CDC42BPA: variants seen among roughly 807,000 people sequenced by gnomAD.
CDC42BPA encodes CDC42 binding protein kinase alpha.
CDC42BPA carries 80 observed loss-of-function variants against 223.5 expected under a neutral mutation model. That is an observed-to-expected ratio of 0.36 (90% CI 0.30 to 0.43). The LOEUF is 0.43. Among genes scored for constraint, CDC42BPA ranks in the 20% least tolerant of loss-of-function variants. CDC42BPA has a pLI of 1.00. For synonymous variants in CDC42BPA, 694 were observed against 718.6 expected (o/e 0.97, Z 0.55); for missense variants, 1,743 against 2,099.9 (o/e 0.83, Z 3.32).
At chr1:227,155,379 A>T (rs1662551929) in intron 6 of CDC42BPA, among the ~76,000 whole-genome samples, 1 of 152,222 alleles carries the variant, frequency 6.6e-6, no homozygotes, top group Non-Finnish European at 1.5e-5. Flanking sequence ...GGCATTTTTC[A>T]GACATGGAAG....
At chr1:227,136,445 G>A (rs928295432) in intron 10 of CDC42BPA, among the ~76,000 whole-genome samples, 1 of 152,188 alleles carries the variant, frequency 6.6e-6, no homozygotes, top group African/African-American at 2.4e-5. Context: ...AAGGAGAGGA[G>A]AAAGTGCATG....
chr1:227,246,441 T>C (rs1680972784), intron 2 of CDC42BPA, among the ~76,000 whole-genome samples: 2 of 152,020 alleles, frequency 1.3e-5, no homozygotes, highest in Non-Finnish European at 2.9e-5. Flanking sequence ...TGGCTTCAGG[T>C]CTGACCCAGC....
intron 5 of CDC42BPA, among the ~76,000 whole-genome samples, chr1:227,167,932 C>CT (rs5781476): frequency 0.83 from 122,482 of 148,210 alleles, 50,664 homozygotes; most frequent in Middle Eastern, 0.91. Context: ...TTCTTCTGTT[C>CT]TTTTTTTTTT....
chr1:227,304,362 C>T (rs956171507), intron 1 of CDC42BPA, among the ~76,000 whole-genome samples: 3 of 151,368 alleles, frequency 2.0e-5, no homozygotes, highest in African/African-American at 7.3e-5. Context: ...GCCCAGATCA[C>T]ACCACTGCAC....
chr1:227,188,955 C>T (rs987489350), intron 5 of CDC42BPA, among the ~76,000 whole-genome samples: 5 of 151,608 alleles, frequency 3.3e-5, no homozygotes, highest in Non-Finnish European at 5.9e-5. Flanking sequence ...GTGTGGTGGG[C>T]GGGAGTAGAT....
At chr1:227,068,334 A>G (rs1677533049) in intron 21 of CDC42BPA, 9 of 151,362 alleles carry the variant, frequency 5.9e-5, no homozygotes, top group Admixed American at 5.9e-4. Flanking sequence ...AATCGCCAGG[A>G]AAAATAAAAA....
At chr1:227,148,425 A>G (rs1195493500) in intron 6 of CDC42BPA, among the ~76,000 whole-genome samples, 1 of 152,248 alleles carries the variant, frequency 6.6e-6, no homozygotes, top group East Asian at 1.9e-4. Context: ...GAACATTCCT[A>G]AAGTAGAATA....
chr1:227,217,769 T>C (rs1675128159), intron 2 of CDC42BPA, among the ~76,000 whole-genome samples: 1 of 152,160 alleles, frequency 6.6e-6, no homozygotes, highest in Non-Finnish European at 1.5e-5. Context: ...CAATCCCAAC[T>C]AGCCTTTGCA....
At chr1:227,148,667 T>A (rs1661118803) in intron 6 of CDC42BPA, among the ~76,000 whole-genome samples, 1 of 148,172 alleles carries the variant, frequency 6.7e-6, no homozygotes, top group Non-Finnish European at 1.5e-5. Flanking sequence ...CTCAGGAGGC[T>A]GAGGCAGGAG....
Position 227,080,531 on chromosome 1 carries a change from T to C in CDC42BPA, c.2480+362A>G, listed in dbSNP as rs555619322. 1.4e-4 allele frequency among the ~76,000 whole-genome samples: 22 copies of C among 152,286 alleles called. No homozygotes were observed. In the South Asian group the frequency reaches 4.1e-3, roughly 29 times the overall value. ...GTTTTTTTTGCAGGCCTTCCATTTC[T>C]TAAAATACTCACAAATACAGGACTT... On this transcript the variant is annotated intron_variant, in intron 17 of 36. Coordinates refer to ENST00000366766, the MANE Select transcript of CDC42BPA (RefSeq NM_001394014.1).
intron 3 of CDC42BPA, among the ~76,000 whole-genome samples, chr1:227,208,944 G>A (rs201452890): frequency 4.0e-5 from 6 of 151,448 alleles, no homozygotes; most frequent in East Asian, 1.9e-4. Context: ...AATTACCATG[G>A]GCAGTATGGC....
chr1:227,121,824 G>A (rs6664330), intron 11 of CDC42BPA, among the ~76,000 whole-genome samples: 20,313 of 144,084 alleles, frequency 0.14, 1,777 homozygotes, highest in South Asian at 0.34. Flanking sequence ...TTTTGGAGAC[G>A]GAGTCTTGCT....
rs59212512 is a variant in CDC42BPA, at chr1:227,157,955, CT to C, written c.693+2587del. On this transcript the variant is annotated intron_variant, in intron 6 of 36. Coordinates refer to ENST00000366766, the MANE Select transcript of CDC42BPA (RefSeq NM_001394014.1). Reference sequence around the variant, plus strand: ...TTTGTTTTCTTAAATATTTTTATAACTTTTTTTTTTTTTCTTTTTTGAGACG... The same window carrying C: ...TTTGTTTTCTTAAATATTTTTATAACTTTTTTTTTTTTCTTTTTTGAGACG... Among the ~76,000 whole-genome samples the C allele has an allele frequency of 5.8e-3, 845 of 145,006 alleles. 6 individuals are homozygous for C. The highest frequency in any genetic ancestry group is 0.019 in the African/African-American group (769 of 39,492).
chr1:227,039,950 C>T (rs1489884518), intron 24 of CDC42BPA, among the ~76,000 whole-genome samples, 181 bp downstream of exon 24: 1 of 151,970 alleles, frequency 6.6e-6, no homozygotes, highest in African/African-American at 2.4e-5. Flanking sequence ...ATATATTGCC[C>T]CTGAAAAATA....
At chr1:227,134,182 C>T (rs1658022170) in intron 10 of CDC42BPA, among the ~76,000 whole-genome samples, 1 of 152,028 alleles carries the variant, frequency 6.6e-6, no homozygotes, top group Non-Finnish European at 1.5e-5. Flanking sequence ...CTTACTTACC[C>T]TGGTTAGATT....
At chr1:227,195,163 C>T (rs1158621611) in intron 4 of CDC42BPA, among the ~76,000 whole-genome samples, 1 of 152,134 alleles carries the variant, frequency 6.6e-6, no homozygotes. Context: ...TGTCTTTGGC[C>T]TACTTGCTGT....
In CDC42BPA at chr1:227,251,281, A is replaced by C. The variant is rs533529102; in HGVS notation, c.270+2783T>G. ...GTAAATGGGAATTGGCAAAATATAA[A>C]TTTACCAAGGATACATGTGGTAATT... On this transcript the variant is annotated intron_variant, in intron 2 of 36. Coordinates refer to ENST00000366766, the MANE Select transcript of CDC42BPA (RefSeq NM_001394014.1). Among the ~76,000 whole-genome samples, 7 of 152,288 alleles carry C rather than the reference A, an allele frequency of 4.6e-5. No individual in the cohort carries two copies. In the South Asian group the frequency reaches 8.3e-4, roughly 18 times the overall value.
At chr1:227,109,193 C>T (rs1269402571) in intron 14 of CDC42BPA, among the ~76,000 whole-genome samples, 1 of 152,128 alleles carries the variant, frequency 6.6e-6, no homozygotes, top group East Asian at 1.9e-4. Context: ...CTGTACACTA[C>T]TGGAGACCTG....
chr1:227,201,106 G>A (rs1036416663), intron 3 of CDC42BPA, among the ~76,000 whole-genome samples: 2 of 151,088 alleles, frequency 1.3e-5, no homozygotes, highest in Admixed American at 6.6e-5. Flanking sequence ...AGTATATCCC[G>A]AAGAACCTTA....
Sources: gnomAD v4.1 joint callset for allele counts (sites outside exome capture counted in the v4.1 genomes callset) on GRCh38, gnomAD v4.1.1 for gene constraint, MANE v1.5 for transcripts, NCBI Gene and HGNC (gene_info 2026-07-23, HGNC 2026-07-21) for gene names.